The following TUBE1 variants were observed in gnomAD, a reference collection of about 807,000 sequenced individuals.
The protein encoded by TUBE1 is tubulin epsilon 1, also known as tubulin epsilon chain.
TUBE1 carries 34 observed loss-of-function variants against 53.5 expected under a neutral mutation model. The observed-to-expected ratio is 0.64, with a 90% CI of 0.48 to 0.85. The LOEUF is 0.85. Ranked by LOEUF, TUBE1 falls within the 40% of genes least tolerant of loss-of-function variation. TUBE1 has a pLI of 0.00. For synonymous variants in TUBE1, 177 were observed against 198.4 expected (o/e 0.89, Z 0.91); for missense variants, 532 against 570.5 (o/e 0.93, Z 0.69).
chr6:112,080,539 T>C (rs1777053592), intron 5 of TUBE1, among the ~76,000 whole-genome samples: 1 of 152,054 alleles, frequency 6.6e-6, no homozygotes. Flanking sequence ...CTGCAAATAG[T>C]GAAAATAATG....
At position 112,072,711 on chromosome 6, in the gene TUBE1, T is replaced by C. The variant is rs782715188; in HGVS notation, c.1094+47A>G. On this transcript the variant is annotated intron_variant, in intron 10 of 11. Coordinates refer to ENST00000368662, the MANE Select transcript of TUBE1 (RefSeq NM_016262.5). ...CTGTTAACTAACTACTATGCCACAC[T>C]GTCCCAAGCAGCACACACAAATTAT... 6.3e-6 allele frequency: 10 copies of C among 1,591,872 alleles called. No homozygotes were observed. Among genetic ancestry groups the C allele is most frequent in the Non-Finnish European group, 7.7e-6 (9 of 1,168,398 alleles).
chr6:112,074,851 C>A lies in TUBE1; in HGVS notation c.813-1G>T. 1.9e-6 allele frequency: 3 copies of A among 1,562,790 alleles called. No homozygotes were observed. The highest frequency in any genetic ancestry group is 2.6e-6 in the Non-Finnish European group (3 of 1,160,438). On this transcript the variant is annotated splice_acceptor_variant, in intron 8 of 11. Transcript: ENST00000368662. LOFTEE classifies it high-confidence loss of function. Reference sequence around the variant, plus strand: ...AAGGGACCCTTCAAATCTTGCAGAGCTAAAAAGTTAACATTAAAATGAGAA... The same window carrying A: ...AAGGGACCCTTCAAATCTTGCAGAGATAAAAAGTTAACATTAAAATGAGAA...
intron 9 of TUBE1, 150 bp from the exon 10 acceptor site, chr6:112,073,048 T>C: frequency 2.1e-6 from 1 of 471,908 alleles, no homozygotes; most frequent in East Asian, 4.2e-5. Flanking sequence ...AAATATTAAA[T>C]AACTATACTT....
chr6:112,079,720 G>T lies in TUBE1; in HGVS notation c.361C>A (p.Gln121Lys). The part of the protein sequence containing the change: ...VGHKVFGSLY[Q>K]DQILEKFRKS... ...CTGAATTTCTCTAAAATCTGGTCTT[G>T]GTAAAGACTGCCGAAAACTTTGTGA... The change falls in exon 6 of 12, where the codon CAA becomes AAA. Residue 121 changes from glutamine (Q) to lysine (K), a missense_variant. By Grantham distance (53) the Gln-to-Lys change is moderately conservative. Coordinates refer to ENST00000368662, the MANE Select transcript of TUBE1 (RefSeq NM_016262.5). 1.2e-6 allele frequency: 2 copies of T among 1,610,134 alleles called. No individual in the cohort carries two copies. The highest frequency in any genetic ancestry group is 1.7e-6 in the Non-Finnish European group (2 of 1,178,274).
At chr6:112,087,327 G>A in intron 1 of TUBE1, 21 bp from the exon 2 acceptor site, 1 of 1,552,042 alleles carries the variant, frequency 6.4e-7, no homozygotes, top group Non-Finnish European at 8.7e-7. Context: ...AGGAGAGGAA[G>A]GAAAGAGAAT....
In TUBE1 at chr6:112,076,608, G is replaced by A. The variant is rs587648763; in HGVS notation, c.449-99C>T. 1,342 of 1,092,386 alleles carry A rather than the reference G, an allele frequency of 1.2e-3. 35 individuals are homozygous for A. The South Asian group carries it at 0.023, about 18-fold the overall frequency. 67.7% of individuals were successfully genotyped at this position (1,092,386 alleles called of 1,614,324 possible). On this transcript the variant is annotated intron_variant, in intron 6 of 11. Transcript: ENST00000368662. ...TTTTTTTGAGACAGGGTCTTGCTCT[G>A]TCACCCAGGCTGGAGTGCAGCAGCA...
intron 9 of TUBE1, among the ~76,000 whole-genome samples, chr6:112,074,120 G>A (rs1194875176): frequency 2.0e-5 from 3 of 152,162 alleles, no homozygotes; most frequent in Non-Finnish European, 2.9e-5. Context: ...AACTGTGAAT[G>A]CCACTGTGAA....
chr6:112,071,609 G>A, intron 11 of TUBE1, 39 bp from the exon 12 acceptor site: 1 of 1,495,104 alleles, frequency 6.7e-7, no homozygotes, highest in Non-Finnish European at 9.2e-7. Flanking sequence ...ACCATTTCAG[G>A]AACTTTAATA....
At chr6:112,087,129 T>C (rs587616701) in intron 2 of TUBE1, 104 bp downstream of exon 2, 1 of 937,162 alleles carries the variant, frequency 1.1e-6, no homozygotes, top group South Asian at 1.6e-5. Context: ...GAAGATCCCA[T>C]GCATCTTAAA....
rs587745850 is a variant in TUBE1 at position 112,071,466 on chromosome 6, G to A, written c.1374C>T (p.Asp458=). The A allele has an allele frequency of 5.0e-5, 80 of 1,609,964 alleles. No individual in the cohort carries two copies. The highest frequency in any genetic ancestry group is 1.7e-4 in the Middle Eastern group (1 of 5,938). The part of the protein sequence containing the change: ...SALIQEYDQL[D]ATKNMPVQDL... ...CCTGCACAGGCATGTTTTTTGTGGC[G>A]TCCAGTTGGTCATATTCCTGTATGA... Residue 458 remains aspartate (D), a synonymous_variant, in exon 12 of 12, where the codon GAC becomes GAT. Transcript: ENST00000368662.
chr6:112,084,303 T>C (rs587741853), intron 3 of TUBE1, 57 bp from the exon 4 acceptor site: 16 of 1,402,096 alleles, frequency 1.1e-5, no homozygotes, highest in South Asian at 1.0e-4. Flanking sequence ...AATAGCACTA[T>C]CAGGTGATAA....
At chr6:112,075,756 A>G in intron 8 of TUBE1, 181 bp downstream of exon 8, 2 of 516,898 alleles carry the variant, frequency 3.9e-6, no homozygotes, top group Non-Finnish European at 6.7e-6. Flanking sequence ...TACTTGGGGA[A>G]ATGCTGCTTT....
At chr6:112,074,672 T>C (rs1290353544) in intron 9 of TUBE1, 38 bp downstream of exon 9, 11 of 1,399,050 alleles carry the variant, frequency 7.9e-6, no homozygotes, top group East Asian at 2.7e-5. Flanking sequence ...TTAAAGTAAT[T>C]TGAGGCCTCA....
chr6:112,071,234 A>C lies in TUBE1; in HGVS notation c.*178T>G, dbSNP rs1776852518. On this transcript the variant is annotated 3_prime_UTR_variant, in exon 12 of 12. Transcript: ENST00000368662. Reference sequence around the variant, plus strand: ...TTTGAAGTTAAGGTACTAAGATTTCACTAATTTCACACATTGGTATTACCA... The same window carrying C: ...TTTGAAGTTAAGGTACTAAGATTTCCCTAATTTCACACATTGGTATTACCA... 1.9e-6 allele frequency: 1 copy of C among 525,226 alleles called. No homozygotes were observed. Among genetic ancestry groups the C allele is most frequent in the Non-Finnish European group, 3.2e-6 (1 of 313,162 alleles). 32.5% of individuals were successfully genotyped at this position (525,226 alleles called of 1,614,324 possible).
At chr6:112,085,568 T>C in intron 3 of TUBE1, 1 of 430,274 alleles carries the variant, frequency 2.3e-6, no homozygotes, top group Non-Finnish European at 4.8e-6. Context: ...TAAGAGAATT[T>C]AGAGGTGAGG....
chr6:112,075,064 C>CTTTTTTTTT (rs781833721), intron 8 of TUBE1: 2 of 164,854 alleles, frequency 1.2e-5, no homozygotes, highest in African/African-American at 3.3e-5. Flanking sequence ...TTTTTTTTTT[C>CTTTTTTTTT]TTTCTTTTTT....
chr6:112,073,271 C>T (rs1554315614), intron 9 of TUBE1, among the ~76,000 whole-genome samples: 1 of 151,952 alleles, frequency 6.6e-6, no homozygotes, highest in Non-Finnish European at 1.5e-5. Flanking sequence ...ATCCAAACTA[C>T]TAAAACTAAT....
intron 5 of TUBE1, among the ~76,000 whole-genome samples, chr6:112,080,600 C>G (rs1456644895): frequency 6.6e-6 from 1 of 152,044 alleles, no homozygotes; most frequent in Admixed American, 6.5e-5. Flanking sequence ...AAAACAGCAA[C>G]AGTCTCAATG....
At chr6:112,072,682 G>A (rs937080598) in intron 10 of TUBE1, 76 bp downstream of exon 10, 3 of 1,480,540 alleles carry the variant, frequency 2.0e-6, no homozygotes, top group Non-Finnish European at 1.8e-6. Context: ...AATTTGAAGG[G>A]CGGCTGTTAA....
Sources: allele counts gnomAD v4.1 joint callset (sites outside exome capture counted in the v4.1 genomes callset), GRCh38; gene constraint gnomAD v4.1.1; transcripts MANE v1.5; gene names NCBI Gene and HGNC (gene_info 2026-07-23, HGNC 2026-07-21).